The following XPNPEP3 variants were observed in gnomAD, a reference collection of about 807,000 sequenced individuals.
XPNPEP3 encodes xaa-Pro aminopeptidase 3.
In XPNPEP3, 41 loss-of-function variants were observed where a neutral mutation model predicts 60.0. That is an observed-to-expected ratio of 0.68 (90% CI 0.53 to 0.89). The LOEUF is 0.89. XPNPEP3 is among the 40% of genes least tolerant of loss of function. The pLI is 0.00. For missense variants in XPNPEP3, 598 were observed against 638.9 expected (o/e 0.94, Z 0.69); for synonymous variants, 212 against 223.2 (o/e 0.95, Z 0.45).
chr22:40,921,082 G>A (rs1210365443), intron 7 of XPNPEP3, among the ~76,000 whole-genome samples: 2 of 152,068 alleles, frequency 1.3e-5, no homozygotes, highest in African/African-American at 2.4e-5. Flanking sequence ...GTGAGCCACC[G>A]CGCCCAGCCC....
chr22:40,914,194 A>C (rs374621561), intron 6 of XPNPEP3, 45 bp from the exon 7 acceptor site: 4 of 1,515,704 alleles, frequency 2.6e-6, no homozygotes, highest in Non-Finnish European at 3.7e-6. Context: ...GAAACAACTT[A>C]TAATCATGAG....
intron 3 of XPNPEP3, among the ~76,000 whole-genome samples, chr22:40,885,997 GAGAA>G (rs1029213566): frequency 2.0e-5 from 3 of 152,058 alleles, no homozygotes; most frequent in African/African-American, 4.8e-5. Context: ...TAAAGAGAGA[GAGAA>G]AGAGAGAAAA....
intron 4 of XPNPEP3, among the ~76,000 whole-genome samples, chr22:40,905,306 T>C (rs1183401055): frequency 6.6e-6 from 1 of 152,008 alleles, no homozygotes; most frequent in East Asian, 1.9e-4. Flanking sequence ...GATCTTGATC[T>C]CTCCACCTCG....
At chr22:40,922,295 T>A (rs576168428) in intron 7 of XPNPEP3, 38 bp from the exon 8 acceptor site, 2 of 1,611,814 alleles carry the variant, frequency 1.2e-6, no homozygotes, top group African/African-American at 2.7e-5. Flanking sequence ...GAATATCAGA[T>A]TATCTAAGTT....
chr22:40,876,836 A>T (rs2058029318), intron 2 of XPNPEP3, among the ~76,000 whole-genome samples: 1 of 152,238 alleles, frequency 6.6e-6, no homozygotes, highest in Non-Finnish European at 1.5e-5. Context: ...GAGAAGTCTT[A>T]GTATAAAAGT....
chr22:40,926,630 T>C lies in XPNPEP3; in HGVS notation c.*195T>C. 2 of 655,484 alleles carry C rather than the reference T, an allele frequency of 3.1e-6. No individual in the cohort carries two copies. Among genetic ancestry groups the C allele is most frequent in the Non-Finnish European group, 5.3e-6 (2 of 375,048 alleles). The allele number at this position is 655,484 out of a possible 1,614,324, so 40.6% of individuals were successfully genotyped here. A position where few individuals can be genotyped will look rare whatever the true frequency, so the allele number is the denominator to read the frequency against. ...GTAGTTAGAAGTCTGGGAAAATGAA[T>C]TTTTGAATAGTATGTTACTGCAGCT... On this transcript the variant is annotated 3_prime_UTR_variant, in exon 10 of 10. Coordinates refer to ENST00000357137, the MANE Select transcript of XPNPEP3 (RefSeq NM_022098.4).
At chr22:40,886,286 A>G in intron 3 of XPNPEP3, 27 bp from the exon 4 acceptor site, 1 of 1,611,702 alleles carries the variant, frequency 6.2e-7, no homozygotes, top group Non-Finnish European at 8.5e-7. Context: ...TTTGTTTTAA[A>G]TTTATTTTTC....
At chr22:40,861,490 T>A in intron 1 of XPNPEP3, 1 of 1,614,070 alleles carries the variant, frequency 6.2e-7, no homozygotes, top group Non-Finnish European at 8.5e-7. Flanking sequence ...GAGAAAGAAG[T>A]AAGGCCTTCA....
chr22:40,917,372 C>A (rs1029892547), intron 7 of XPNPEP3: 5 of 151,884 alleles, frequency 3.3e-5, no homozygotes, highest in East Asian at 1.9e-4. Context: ...CAGAGCAAGA[C>A]CCCATCTGTA....
chr22:40,893,236 G>A (rs551873304), intron 4 of XPNPEP3, among the ~76,000 whole-genome samples: 102 of 149,120 alleles, frequency 6.8e-4, no homozygotes, highest in Non-Finnish European at 1.1e-3. Context: ...ACATCTGGCC[G>A]GGCGCTTATG....
chr22:40,864,607 G>A (rs1051182608), intron 1 of XPNPEP3, among the ~76,000 whole-genome samples: 5 of 151,790 alleles, frequency 3.3e-5, no homozygotes, highest in South Asian at 2.1e-4. Context: ...CACCACGCCC[G>A]GCTAATTTTG....
intron 7 of XPNPEP3, 49 bp from the exon 8 acceptor site, chr22:40,922,284 A>C (rs767256501): frequency 6.2e-7 from 1 of 1,608,144 alleles, no homozygotes; most frequent in Non-Finnish European, 8.5e-7. Flanking sequence ...CAAACTTCTT[A>C]GAATATCAGA....
rs141556444 is a variant in XPNPEP3 at position 40,857,811 on chromosome 22, A to C, written c.64+566A>C. The stretch of plus-strand genomic sequence containing the variant: ...TGAACATAAAGCTTAATCAGTGAAA[A>C]CTGAATCACCTTCCTTGCAGGCGGA... On this transcript the variant is annotated intron_variant, in intron 1 of 9. Transcript: ENST00000357137. 3.5e-4 allele frequency among the ~76,000 whole-genome samples: 53 copies of C among 152,266 alleles called. 1 individual carries two copies. In the East Asian group the frequency reaches 7.7e-3, roughly 22 times the overall value.
chr22:40,887,271 A>G (rs747836967), intron 4 of XPNPEP3, among the ~76,000 whole-genome samples: 2 of 152,306 alleles, frequency 1.3e-5, no homozygotes, highest in East Asian at 1.9e-4. Flanking sequence ...AGGAGTCTAG[A>G]GAAGCCAGGT....
At chr22:40,861,215 A>T in intron 1 of XPNPEP3, 1 of 1,614,154 alleles carries the variant, frequency 6.2e-7, no homozygotes, top group Non-Finnish European at 8.5e-7. Context: ...CCACGAAAGT[A>T]TATTGAGATA....
At chr22:40,901,308 C>T (rs2058131934) in intron 4 of XPNPEP3, among the ~76,000 whole-genome samples, 1 of 142,522 alleles carries the variant, frequency 7.0e-6, no homozygotes, top group South Asian at 2.2e-4. Flanking sequence ...AATCTCTGCT[C>T]ACCGCAACCT....
chr22:40,881,800 A>C lies in XPNPEP3; in HGVS notation c.212A>C (p.Glu71Ala). Residue 71 changes from glutamate (E) to alanine (A), a missense_variant, in exon 3 of 10, where the codon GAA becomes GCA. Coordinates refer to ENST00000357137, the MANE Select transcript of XPNPEP3 (RefSeq NM_022098.4). Reference protein sequence around the residue: ...GEVTPGLSQVEYALRRHKLMS... With the variant: ...GEVTPGLSQVAYALRRHKLMS... ...GTAACTCCAGGACTATCTCAGGTGG[A>C]ATATGCACTTCGCAGACACAAACTA... 1 of 1,614,146 alleles carries C rather than the reference A, an allele frequency of 6.2e-7. No individual in the cohort carries two copies. Among genetic ancestry groups the C allele is most frequent in the Non-Finnish European group, 8.5e-7 (1 of 1,179,996 alleles).
intron 1 of XPNPEP3, among the ~76,000 whole-genome samples, chr22:40,864,356 G>A (rs1445755951): frequency 6.6e-6 from 1 of 152,268 alleles, no homozygotes; most frequent in South Asian, 2.1e-4. Context: ...GAACATCACA[G>A]GTAAAGCTCA....
chr22:40,890,803 G>A (rs1033616615), intron 4 of XPNPEP3, among the ~76,000 whole-genome samples: 3 of 151,574 alleles, frequency 2.0e-5, no homozygotes, highest in Admixed American at 1.3e-4. Context: ...GGGAGGTCGA[G>A]GCTGCAGTGA....
Sources: gnomAD v4.1 joint callset for allele counts (sites outside exome capture counted in the v4.1 genomes callset) on GRCh38, gnomAD v4.1.1 for gene constraint, MANE v1.5 for transcripts, NCBI Gene and HGNC (gene_info 2026-07-23, HGNC 2026-07-21) for gene names.